Variants in ROCK1 observed in about 807,000 individuals in gnomAD.
ROCK1 encodes rho-associated protein kinase 1.
In ROCK1, 36 loss-of-function variants were observed where a neutral mutation model predicts 196.8. The ratio of observed to expected loss-of-function variants is 0.18; its 90% CI spans 0.14 to 0.24. The LOEUF (loss-of-function observed/expected upper bound fraction) is 0.24. ROCK1 is among the 10% of genes least tolerant of loss of function. The pLI, the probability that ROCK1 is intolerant of heterozygous loss-of-function variation, is 1.00. For synonymous variants in ROCK1, 443 were observed against 515.9 expected (o/e 0.86, Z 1.91); for missense variants, 920 against 1,562.0 (o/e 0.59, Z 6.93).
At position 21,111,365 on chromosome 18, in the gene ROCK1, G is replaced by A. The variant is rs1568413493; in HGVS notation, c.-455C>T. On this transcript the variant is annotated 5_prime_UTR_variant, in exon 1 of 33. Transcript: ENST00000399799. This position sits in a 1 kb window ranked among gnomAD's most constrained non-coding sequence, Gnocchi z 4.2. ...GAAAGCAAAGGGCGGGTGAGGAGCT[G>A]TGCCAGCTGCGGCCGCCGCTCGGGC... 2 of 425,256 alleles carry A rather than the reference G, an allele frequency of 4.7e-6. No individual in the cohort carries two copies. Among genetic ancestry groups the A allele is most frequent in the Non-Finnish European group, 8.3e-6 (2 of 242,076 alleles). The allele number at this position is 425,256 out of a possible 1,614,324, so 26.3% of individuals were successfully genotyped here.
chr18:21,093,504 GA>G (rs1313812664), intron 1 of ROCK1, among the ~76,000 whole-genome samples: 1 of 152,160 alleles, frequency 6.6e-6, no homozygotes, highest in Non-Finnish European at 1.5e-5. Flanking sequence ...CACTTTAGAA[GA>G]GTGTATATGA....
chr18:21,090,142 GT>G (rs1334779639), intron 1 of ROCK1, among the ~76,000 whole-genome samples: 4 of 152,134 alleles, frequency 2.6e-5, no homozygotes, highest in African/African-American at 9.7e-5. Flanking sequence ...GCATTGATTG[GT>G]CACTTAGAAA....
chr18:21,044,015 C>T (rs1181094697), intron 6 of ROCK1, 87 bp downstream of exon 6: 13 of 788,714 alleles, frequency 1.6e-5, no homozygotes, highest in Non-Finnish European at 2.3e-5. Context: ...AATTCTTACA[C>T]CATTTTCTAA....
At chr18:20,979,621 C>CAA (rs937857674) in intron 22 of ROCK1, among the ~76,000 whole-genome samples, 1 of 138,390 alleles carries the variant, frequency 7.2e-6, no homozygotes, top group Non-Finnish European at 1.6e-5. Flanking sequence ...GACTCCATCT[C>CAA]AAAAAAAAAA....
At chr18:20,952,569 G>A (rs1250173588) in intron 32 of ROCK1, among the ~76,000 whole-genome samples, 1 of 152,062 alleles carries the variant, frequency 6.6e-6, no homozygotes, top group Non-Finnish European at 1.5e-5. Context: ...TTTGAGGTCA[G>A]GAGTTTGAGA....
intron 10 of ROCK1, among the ~76,000 whole-genome samples, chr18:21,023,958 A>C (rs185917430): frequency 9.8e-5 from 15 of 152,342 alleles, no homozygotes; most frequent in Admixed American, 9.2e-4. Flanking sequence ...AAGTAGGATA[A>C]ATAAAAACCA....
chr18:21,102,619 G>C (rs904522967), intron 1 of ROCK1, among the ~76,000 whole-genome samples: 2 of 152,190 alleles, frequency 1.3e-5, no homozygotes, highest in Non-Finnish European at 2.9e-5. Flanking sequence ...GCTCACGCCT[G>C]TAATCCTTAC....
chr18:20,966,094 T>C (rs1328197010), intron 27 of ROCK1, among the ~76,000 whole-genome samples: 1 of 152,202 alleles, frequency 6.6e-6, no homozygotes, highest in African/African-American at 2.4e-5. Flanking sequence ...TTAAAATCTA[T>C]TTTCAAGTGT....
intron 22 of ROCK1, among the ~76,000 whole-genome samples, chr18:20,975,550 TATG>T (rs1436106659): frequency 6.6e-6 from 1 of 152,218 alleles, no homozygotes; most frequent in Non-Finnish European, 1.5e-5. Flanking sequence ...ATGGACAATT[TATG>T]ACTGTTTTTC....
In ROCK1 at chr18:20,967,857, C is replaced by G. The variant is rs760311840; in HGVS notation, c.3087G>C (p.Lys1029Asn). Reference protein sequence around the residue: ...RKKANTQDLRKKEKENRKLQL... With the variant: ...RKKANTQDLRNKEKENRKLQL... The stretch of plus-strand genomic sequence containing the variant: ...GCAGCTTTCGATTTTCCTTTTCTTT[C>G]TTTCTCAAATCTTGTGTATTAGCTT... The change falls in exon 26 of 33, where the codon AAG becomes AAC. Residue 1029 changes from lysine (K) to asparagine (N), a missense_variant. Lys to Asn is a moderately conservative substitution (Grantham distance 94, BLOSUM62 0). Coordinates refer to ENST00000399799, the MANE Select transcript of ROCK1 (RefSeq NM_005406.3). The G allele has an allele frequency of 6.2e-7, 1 of 1,608,630 alleles. No individual in the cohort carries two copies. Among genetic ancestry groups the G allele is most frequent in the South Asian group, 1.1e-5 (1 of 89,748 alleles).
intron 3 of ROCK1, 107 bp downstream of exon 3, chr18:21,049,673 A>G: frequency 1.3e-6 from 1 of 745,490 alleles, no homozygotes. Context: ...AGGAACTTAA[A>G]GCAACAATTC....
rs1183725857 is a variant in ROCK1 at position 21,050,928 on chromosome 18, G to A, written c.176-1048C>T. 4.6e-5 allele frequency among the ~76,000 whole-genome samples: 7 copies of A among 152,124 alleles called. No individual in the cohort carries two copies. The East Asian group carries it at 5.8e-4, about 13-fold the overall frequency. ...AGATAAATAAACATAACTTTAAAAT[G>A]TAGTTCCTATTCTTTAAGAGTTCAA... On this transcript the variant is annotated intron_variant, in intron 2 of 32. Coordinates refer to ENST00000399799, the MANE Select transcript of ROCK1 (RefSeq NM_005406.3).
intron 14 of ROCK1, among the ~76,000 whole-genome samples, chr18:21,007,681 C>T (rs1293912746): frequency 6.6e-6 from 1 of 152,064 alleles, no homozygotes; most frequent in African/African-American, 2.4e-5. Flanking sequence ...TTCTTAGACG[C>T]AGCTGCTTGT....
chr18:21,001,658 G>A (rs138507777), intron 16 of ROCK1, among the ~76,000 whole-genome samples: 1,770 of 152,092 alleles, frequency 0.012, 19 homozygotes, highest in Non-Finnish European at 0.017. Flanking sequence ...CCAGCTACTT[G>A]GGAGGCTGAG....
At chr18:21,058,573 T>A (rs1313410628) in intron 2 of ROCK1, among the ~76,000 whole-genome samples, 1 of 152,066 alleles carries the variant, frequency 6.6e-6, no homozygotes, top group African/African-American at 2.4e-5. Context: ...CACAAGAATG[T>A]TATATTCAAT....
In ROCK1 at chr18:20,981,723, CA is replaced by C. The variant is rs569656858; in HGVS notation, c.2559+1039del. 7.2e-3 allele frequency among the ~76,000 whole-genome samples: 1,098 copies of C among 151,832 alleles called. 6 individuals are homozygous for C. The highest frequency in any genetic ancestry group is 0.017 in the Middle Eastern group (5 of 294). ...CACTAAGAAACAGCACTTTCCTAGG[CA>C]AAAAAATACATAAATGTCCATGGGA... is the stretch of plus-strand genomic sequence containing the variant. On this transcript the variant is annotated intron_variant, in intron 21 of 32. Coordinates refer to ENST00000399799, the MANE Select transcript of ROCK1 (RefSeq NM_005406.3).
intron 29 of ROCK1, among the ~76,000 whole-genome samples, chr18:20,956,761 T>C (rs1474177015): frequency 1.3e-5 from 2 of 152,072 alleles, no homozygotes; most frequent in African/African-American, 2.4e-5. Flanking sequence ...GATTGGGAAA[T>C]ATTTGCATTA....
At chr18:21,062,317 G>C (rs199527175) in intron 2 of ROCK1, among the ~76,000 whole-genome samples, 7 of 152,026 alleles carry the variant, frequency 4.6e-5, no homozygotes, top group Non-Finnish European at 1.0e-4. Context: ...AAGAACACAG[G>C]AGTAGGAGCT....
intron 1 of ROCK1, among the ~76,000 whole-genome samples, chr18:21,079,394 C>A (rs1317428894): frequency 6.6e-6 from 1 of 152,190 alleles, no homozygotes; most frequent in African/African-American, 2.4e-5. Context: ...CATCCCTCCA[C>A]GTGAGATCAA....
Sources: allele counts gnomAD v4.1 joint callset (sites outside exome capture counted in the v4.1 genomes callset), GRCh38; gene constraint gnomAD v4.1.1; non-coding constraint Gnocchi (gnomAD v3.1); transcripts MANE v1.5; gene names NCBI Gene and HGNC (gene_info 2026-07-23, HGNC 2026-07-21).